Variants in SESN1 observed in about 807,000 individuals in gnomAD.
The protein encoded by SESN1 is sestrin 1.
A neutral mutation model predicts 59.3 loss-of-function variants in SESN1; 30 were observed. The ratio of observed to expected loss-of-function variants is 0.51; its 90% CI spans 0.38 to 0.69. The LOEUF (loss-of-function observed/expected upper bound fraction) is 0.69, where lower values mean the gene tolerates loss of function less well. Ranked by LOEUF, SESN1 falls within the 30% of genes least tolerant of loss-of-function variation. SESN1 has a pLI of 0.00. For synonymous variants in SESN1, 197 were observed against 219.9 expected, an observed-to-expected ratio of 0.90 and a Z score of 0.92; for missense variants, 566 against 673.0, an observed-to-expected ratio of 0.84 and a Z score of 1.76.
At chr6:109,076,409 T>C (rs993242594) in intron 1 of SESN1, among the ~76,000 whole-genome samples, 15 of 152,240 alleles carry the variant, frequency 9.9e-5, no homozygotes, top group Non-Finnish European at 1.8e-4. Context: ...GAAATTTCAA[T>C]TCTTTAATGT....
chr6:109,048,993 C>A lies in SESN1; in HGVS notation c.279+44802G>T, dbSNP rs534276952. 5.3e-5 allele frequency among the ~76,000 whole-genome samples: 8 copies of A among 152,324 alleles called. No homozygotes were observed. The East Asian group carries it at 1.3e-3, about 26-fold the overall frequency. On this transcript the variant is annotated intron_variant, in intron 1 of 9. Coordinates refer to ENST00000436639, the MANE Select transcript of SESN1 (RefSeq NM_014454.3). ...TCTCTCTAGGACTTAGTGTCTTTGT[C>A]CTTTTTGCTTAGCACGCTTCTTTGT... is the stretch of plus-strand genomic sequence containing the variant.
At chr6:109,017,571 C>T (rs1779946760) in intron 1 of SESN1, among the ~76,000 whole-genome samples, 2 of 152,162 alleles carry the variant, frequency 1.3e-5, no homozygotes, top group African/African-American at 4.8e-5. Flanking sequence ...AGGTGTGAGC[C>T]ACCGCGCCCG....
intron 1 of SESN1, among the ~76,000 whole-genome samples, chr6:109,070,618 T>C (rs1780917091): frequency 6.6e-6 from 1 of 152,208 alleles, no homozygotes; most frequent in African/African-American, 2.4e-5. Flanking sequence ...CCCCAGCCAA[T>C]GGCTACTTTT....
intron 1 of SESN1, among the ~76,000 whole-genome samples, chr6:109,007,883 G>A (rs1779767146): frequency 7.3e-6 from 1 of 136,570 alleles, no homozygotes. Context: ...GGCCATATTT[G>A]TGCCCTATAC....
rs539052579 is a variant in SESN1, at chr6:109,073,658, G to A, written c.279+20137C>T. Among the ~76,000 whole-genome samples, 6 of 152,124 alleles carry A rather than the reference G, an allele frequency of 3.9e-5. No homozygotes were observed. In the East Asian group the frequency reaches 1.2e-3, roughly 29 times the overall value. Reference sequence around the variant, plus strand: ...AAACCCACAAATGCAAAACTCATTAGGAAAAAATATTCTTCATTAACAGCC... The same window carrying A: ...AAACCCACAAATGCAAAACTCATTAAGAAAAAATATTCTTCATTAACAGCC... On this transcript the variant is annotated intron_variant, in intron 1 of 9. Coordinates refer to ENST00000436639, the MANE Select transcript of SESN1 (RefSeq NM_014454.3).
In SESN1 at chr6:109,093,899, A is replaced by G; in HGVS notation, c.175T>C (p.Ser59Pro). The change falls in exon 1 of 10, where the codon TCG (serine) becomes CCG (proline). Residue 59 changes from serine to proline, a missense_variant. Physicochemically the swap from Ser to Pro is moderately conservative, Grantham distance 74. Coordinates refer to ENST00000436639, the MANE Select transcript of SESN1 (RefSeq NM_014454.3). ...PSDGLSNTES[S>P]DGLNKLLAHL... ...GCAAGTAGCTTATTCAACCCATCCG[A>G]AGACTCGGTATTTGAAAGCCCGTCT... The G allele has an allele frequency of 1.2e-6, 2 of 1,614,242 alleles. No homozygotes were observed. Among genetic ancestry groups the G allele is most frequent in the Non-Finnish European group, 1.7e-6 (2 of 1,180,050 alleles).
At chr6:109,056,302 G>A (rs1327020008) in intron 1 of SESN1, among the ~76,000 whole-genome samples, 1 of 152,152 alleles carries the variant, frequency 6.6e-6, no homozygotes, top group African/African-American at 2.4e-5. Flanking sequence ...TACTTGGGAG[G>A]CTGAGACAGG....
At chr6:109,043,076 C>G (rs965279871) in intron 1 of SESN1, among the ~76,000 whole-genome samples, 1 of 151,908 alleles carries the variant, frequency 6.6e-6, no homozygotes, top group Non-Finnish European at 1.5e-5. Context: ...TTTTAACAGG[C>G]TAAGGAAGAA....
chr6:109,077,854 A>G (rs977319567), intron 1 of SESN1, among the ~76,000 whole-genome samples: 4 of 152,200 alleles, frequency 2.6e-5, no homozygotes, highest in African/African-American at 9.7e-5. Flanking sequence ...GTTATATGTA[A>G]AATGCTTACC....
chr6:109,033,046 AG>A (rs1484329992), intron 1 of SESN1, among the ~76,000 whole-genome samples: 2 of 152,172 alleles, frequency 1.3e-5, no homozygotes, highest in Admixed American at 1.3e-4. Context: ...ATTATGTTAA[AG>A]GTACAGACAA....
At chr6:109,090,662 G>A (rs1033013479) in intron 1 of SESN1, 2 of 152,204 alleles carry the variant, frequency 1.3e-5, no homozygotes, top group Non-Finnish European at 2.9e-5. Context: ...TGAGTACACT[G>A]AGGAGGAGGA....
rs76446770 is a variant in SESN1 at position 109,087,567 on chromosome 6, T to C, written c.279+6228A>G. 7.9e-3 allele frequency among the ~76,000 whole-genome samples: 1,194 copies of C among 151,718 alleles called. 21 individuals carry two copies. Among genetic ancestry groups the C allele is most frequent in the African/African-American group, 0.028 (1,144 of 41,352 alleles). On this transcript the variant is annotated intron_variant, in intron 1 of 9. Transcript: ENST00000436639. The stretch of plus-strand genomic sequence containing the variant: ...CAATAAAATAAGAAAGGCCAGAAAA[T>C]AGTGGTATGGAAGAGAGAAGCTTAG...
At chr6:109,016,202 A>C (rs1308767400) in intron 1 of SESN1, among the ~76,000 whole-genome samples, 1 of 152,178 alleles carries the variant, frequency 6.6e-6, no homozygotes, top group Non-Finnish European at 1.5e-5. Flanking sequence ...ACTAACGGTA[A>C]TTTTTATTCA....
chr6:108,997,488 T>G (rs1171187233), intron 5 of SESN1, among the ~76,000 whole-genome samples: 2 of 152,138 alleles, frequency 1.3e-5, no homozygotes, highest in African/African-American at 4.8e-5. Flanking sequence ...CTTGGGAAAA[T>G]TATTCTTTCT....
At chr6:109,005,913 A>G (rs1453855720) in intron 1 of SESN1, among the ~76,000 whole-genome samples, 1 of 152,210 alleles carries the variant, frequency 6.6e-6, no homozygotes, top group East Asian at 1.9e-4. Flanking sequence ...AATTTCTCAG[A>G]AGTAGCAGAG....
intron 1 of SESN1, among the ~76,000 whole-genome samples, chr6:109,075,777 T>C (rs188139422): frequency 6.6e-6 from 1 of 152,292 alleles, no homozygotes; most frequent in Admixed American, 6.5e-5. Flanking sequence ...ATAATAGTTG[T>C]GTGTTGTTTT....
In SESN1 at chr6:109,054,530, A is replaced by G. The variant is rs370319284; in HGVS notation, c.279+39265T>C. Among the ~76,000 whole-genome samples, 3 of 152,298 alleles carry G rather than the reference A, an allele frequency of 2.0e-5. No individual in the cohort carries two copies. In the East Asian group the frequency reaches 5.8e-4, roughly 29 times the overall value. On this transcript the variant is annotated intron_variant, in intron 1 of 9. Coordinates refer to ENST00000436639, the MANE Select transcript of SESN1 (RefSeq NM_014454.3). ...CAATTTACATGTCTATAAGCAGTGTATAAGAAAGCTCATTTTATAACATCC... is the reference window on the plus strand; with the variant it reads ...CAATTTACATGTCTATAAGCAGTGTGTAAGAAAGCTCATTTTATAACATCC...
At chr6:109,062,133 T>C (rs1285155458) in intron 1 of SESN1, among the ~76,000 whole-genome samples, 1 of 152,166 alleles carries the variant, frequency 6.6e-6, no homozygotes, top group Non-Finnish European at 1.5e-5. Context: ...CAAGCCATCC[T>C]CCTGCCTCAG....
chr6:109,078,708 C>T (rs929047241), intron 1 of SESN1, among the ~76,000 whole-genome samples: 1 of 152,120 alleles, frequency 6.6e-6, no homozygotes, highest in Non-Finnish European at 1.5e-5. Flanking sequence ...TTTGTTTTTA[C>T]ATCCCCCACA....
Sources: gnomAD v4.1 joint callset for allele counts (sites outside exome capture counted in the v4.1 genomes callset) on GRCh38, gnomAD v4.1.1 for gene constraint, MANE v1.5 for transcripts, NCBI Gene and HGNC (gene_info 2026-07-23, HGNC 2026-07-21) for gene names.